The following STX8 variants were observed in gnomAD, a reference collection of about 807,000 sequenced individuals.
STX8 encodes the protein syntaxin-8.
In STX8, 23 loss-of-function variants were observed where a neutral mutation model predicts 37.5. The observed-to-expected ratio is 0.61, with a 90% CI of 0.44 to 0.87. The LOEUF (loss-of-function observed/expected upper bound fraction) is 0.87, where lower values mean the gene tolerates loss of function less well. Among genes scored for constraint, STX8 ranks in the 40% least tolerant of loss-of-function variants. The probability of loss-of-function intolerance (pLI) is 0.00; values close to 1 mark genes in which losing one functional copy is unlikely to be tolerated. For missense variants in STX8, 313 were observed against 284.7 expected, an observed-to-expected ratio of 1.10 and a Z score of -0.71; for synonymous variants, 115 against 99.1, an observed-to-expected ratio of 1.16 and a Z score of -0.95.
chr17:9,549,886 G>A (rs1906695169), intron 3 of STX8, among the ~76,000 whole-genome samples: 1 of 152,112 alleles, frequency 6.6e-6, no homozygotes, highest in African/African-American at 2.4e-5. Context: ...AAGTAGGGTA[G>A]TGGGGAAACA....
chr17:9,352,694 G>A (rs1034658639), intron 7 of STX8, among the ~76,000 whole-genome samples: 5 of 151,190 alleles, frequency 3.3e-5, no homozygotes, highest in African/African-American at 1.2e-4. Context: ...AGTAGAGACG[G>A]GGTTTCACCG....
At chr17:9,503,382 ATT>A (rs1227299391) in intron 5 of STX8, among the ~76,000 whole-genome samples, 1 of 152,178 alleles carries the variant, frequency 6.6e-6, no homozygotes, top group East Asian at 1.9e-4. Flanking sequence ...TAGGTTCATT[ATT>A]TTTATTGCAG....
At chr17:9,451,480 T>C (rs1040110254) in intron 6 of STX8, among the ~76,000 whole-genome samples, 1 of 152,190 alleles carries the variant, frequency 6.6e-6, no homozygotes, top group Non-Finnish European at 1.5e-5. Context: ...GTACCTCTGA[T>C]GTAGCTATGA....
intron 4 of STX8, among the ~76,000 whole-genome samples, chr17:9,544,253 G>T (rs1413475553): frequency 1.3e-5 from 2 of 152,176 alleles, no homozygotes; most frequent in African/African-American, 2.4e-5. Flanking sequence ...TTCCCACGAT[G>T]AAGCTAAGGA....
intron 2 of STX8, among the ~76,000 whole-genome samples, chr17:9,567,984 C>T (rs1246860387): frequency 6.6e-6 from 1 of 152,148 alleles, no homozygotes; most frequent in Non-Finnish European, 1.5e-5. Flanking sequence ...CTATGCCTGG[C>T]CTGTTTTTAC....
rs1200532770 is a variant in STX8, at chr17:9,471,027, CCTG to C, written c.541+20799_541+20801del. Among the ~76,000 whole-genome samples, 38 of 60,550 alleles carry C rather than the reference CCTG, an allele frequency of 6.3e-4. 2 individuals are homozygous for C. Among genetic ancestry groups the C allele is most frequent in the African/African-American group, 1.8e-3 (32 of 18,114 alleles). The allele number at this position is 60,550 out of a possible 152,430, so 39.7% of individuals were successfully genotyped here. A position where few individuals can be genotyped will look rare whatever the true frequency, so the allele number is the denominator to read the frequency against. ...GGATTACAGGCGTGAGCCACTGCATCCTGCTTTTTTTTTTTTTTTTTTTTTTTG... is the reference window on the plus strand; with the variant it reads ...GGATTACAGGCGTGAGCCACTGCATCCTTTTTTTTTTTTTTTTTTTTTTTG... On this transcript the variant is annotated intron_variant, in intron 6 of 7. Coordinates refer to ENST00000306357, the MANE Select transcript of STX8 (RefSeq NM_004853.3).
At chr17:9,436,890 C>G (rs1179396651) in intron 6 of STX8, among the ~76,000 whole-genome samples, 1 of 152,206 alleles carries the variant, frequency 6.6e-6, no homozygotes, top group Non-Finnish European at 1.5e-5. Flanking sequence ...GGTTTGGATA[C>G]AGAGCTGAGG....
intron 7 of STX8, among the ~76,000 whole-genome samples, chr17:9,353,312 G>T (rs1376631391): frequency 6.6e-6 from 1 of 152,084 alleles, no homozygotes; most frequent in Non-Finnish European, 1.5e-5. Context: ...TTATCTTCCT[G>T]TCCCAGATTT....
intron 7 of STX8, chr17:9,378,341 C>A: frequency 2.1e-6 from 1 of 483,988 alleles, no homozygotes; most frequent in Non-Finnish European, 3.7e-6. Flanking sequence ...AAAACAACAA[C>A]AAAAAAACAA....
At chr17:9,407,849 T>C (rs1912851987) in intron 6 of STX8, among the ~76,000 whole-genome samples, 1 of 152,162 alleles carries the variant, frequency 6.6e-6, no homozygotes, top group Non-Finnish European at 1.5e-5. Flanking sequence ...TAGCTGCCCT[T>C]AGAGACAAGA....
At chr17:9,543,556 T>C (rs12951685) in intron 4 of STX8, among the ~76,000 whole-genome samples, 150,161 of 152,262 alleles carry the variant, frequency 0.99, 74,080 homozygotes, top group Middle Eastern at 1. Flanking sequence ...CCACCCACCT[T>C]GGCCTCCCAA....
At chr17:9,305,146 G>A (rs1908932478) in intron 7 of STX8, among the ~76,000 whole-genome samples, 1 of 151,986 alleles carries the variant, frequency 6.6e-6, no homozygotes, top group Admixed American at 6.6e-5. Flanking sequence ...AGGCTGGAGT[G>A]CAGTGGCGCG....
chr17:9,287,121 G>A (rs1344315820), intron 7 of STX8, among the ~76,000 whole-genome samples: 1 of 152,158 alleles, frequency 6.6e-6, no homozygotes, highest in African/African-American at 2.4e-5. Context: ...GAACAGGAGA[G>A]AAAATGACAT....
At chr17:9,483,743 A>T (rs1309454537) in intron 6 of STX8, among the ~76,000 whole-genome samples, 1 of 151,886 alleles carries the variant, frequency 6.6e-6, no homozygotes, top group Non-Finnish European at 1.5e-5. Context: ...TCCAGGACTG[A>T]CTCTACGAAT....
At position 9,316,961 on chromosome 17, in the gene STX8, T is replaced by C. The variant is rs567618383; in HGVS notation, c.643+61591A>G. Among the ~76,000 whole-genome samples, 103 of 152,318 alleles carry C rather than the reference T, an allele frequency of 6.8e-4. No homozygotes were observed. In the South Asian group the frequency reaches 0.013, roughly 20 times the overall value. On this transcript the variant is annotated intron_variant, in intron 7 of 7. Transcript: ENST00000306357. ...CACACCTGGTATCAGAAGTGAAGCA[T>C]TGCGGGTGAGGAGAGTGGAATAGGA...
At chr17:9,392,314 T>C (rs1037554232) in intron 6 of STX8, among the ~76,000 whole-genome samples, 5 of 152,204 alleles carry the variant, frequency 3.3e-5, no homozygotes, top group African/African-American at 1.2e-4. Flanking sequence ...GTTGGAGTTA[T>C]CTGACAAAGA....
intron 6 of STX8, among the ~76,000 whole-genome samples, chr17:9,426,895 A>C (rs1419390876): frequency 3.9e-5 from 6 of 152,174 alleles, no homozygotes; most frequent in Non-Finnish European, 7.4e-5. Flanking sequence ...TTACCAGTCT[A>C]TCTCTTACTA....
intron 6 of STX8, among the ~76,000 whole-genome samples, chr17:9,469,465 T>C (rs1291941929): frequency 6.6e-6 from 1 of 152,142 alleles, no homozygotes; most frequent in Non-Finnish European, 1.5e-5. Context: ...TATTAGTCAG[T>C]TACATGTTCA....
chr17:9,433,991 G>A (rs1039265430), intron 6 of STX8, among the ~76,000 whole-genome samples: 11 of 142,212 alleles, frequency 7.7e-5, no homozygotes, highest in African/African-American at 2.5e-4. Flanking sequence ...GGGGTAAAAC[G>A]GGCTTTAGTA....
Sources: gnomAD v4.1 joint callset for allele counts (sites outside exome capture counted in the v4.1 genomes callset) on GRCh38, gnomAD v4.1.1 for gene constraint, MANE v1.5 for transcripts, NCBI Gene and HGNC (gene_info 2026-07-23, HGNC 2026-07-21) for gene names.